Variants in ASB7 observed in about 807,000 individuals in gnomAD.
ASB7 encodes ankyrin repeat and SOCS box protein 7.
A neutral mutation model predicts 32.5 loss-of-function variants in ASB7; 4 were observed. The observed-to-expected ratio is 0.12, with a 90% confidence interval of 0.06 to 0.28. ASB7 has a LOEUF of 0.28. Among genes scored for constraint, ASB7 ranks in the 10% least tolerant of loss-of-function variants. The pLI, the probability that ASB7 is intolerant of heterozygous loss-of-function variation, is 1.00. For synonymous variants in ASB7, 172 were observed against 155.6 expected, an observed-to-expected ratio of 1.11 and a Z score of -0.78; for missense variants, 181 against 407.1, an observed-to-expected ratio of 0.44 and a Z score of 4.78.
chr15:100,611,484 C>CTTGTTTTTTTTTTTTTT (rs2039694564), intron 3 of ASB7, among the ~76,000 whole-genome samples: 1 of 77,144 alleles, frequency 1.3e-5, no homozygotes. Flanking sequence ...TGTTTCGATT[C>CTTGTTTTTTTTTTTTTT]TTTTTTTTTT....
chr15:100,610,775 A>G (rs1358270553), intron 3 of ASB7, among the ~76,000 whole-genome samples: 1 of 152,230 alleles, frequency 6.6e-6, no homozygotes, highest in African/African-American at 2.4e-5. Flanking sequence ...TGTCTAACCT[A>G]CATATGAGAA....
Position 100,633,687 on chromosome 15 carries a change from G to A in ASB7, c.817+3645G>A, listed in dbSNP as rs533992696. Among the ~76,000 whole-genome samples the A allele has an allele frequency of 2.7e-5, 4 of 150,602 alleles. 1 individual carries two copies. In the East Asian group the frequency reaches 7.8e-4, roughly 29 times the overall value. ...AAGGAAGGAGGAAGGAAGGAAGGAG[G>A]GGAAGGAAGGAGGAAGAAAAAAAAG... On this transcript the variant is annotated intron_variant, in intron 5 of 5. Coordinates refer to ENST00000332783, the MANE Select transcript of ASB7 (RefSeq NM_198243.3).
At chr15:100,606,182 T>C (rs1037049802) in intron 2 of ASB7, among the ~76,000 whole-genome samples, 3 of 139,502 alleles carry the variant, frequency 2.2e-5, no homozygotes, top group African/African-American at 7.7e-5. Flanking sequence ...ATGTGAACCA[T>C]TGAAGGATTG....
chr15:100,639,218 A>G (rs2039944945), intron 5 of ASB7, among the ~76,000 whole-genome samples: 1 of 152,234 alleles, frequency 6.6e-6, no homozygotes, highest in Non-Finnish European at 1.5e-5. Flanking sequence ...ATGGTTTTGC[A>G]GAAGACAGTC....
At chr15:100,642,176 CAG>C (rs2039966131) in intron 5 of ASB7, among the ~76,000 whole-genome samples, 6 of 152,218 alleles carry the variant, frequency 3.9e-5, no homozygotes, top group Admixed American at 3.9e-4. Context: ...ATTTAGGCCT[CAG>C]AATGTGCATT....
At chr15:100,640,920 A>G (rs774467062) in intron 5 of ASB7, among the ~76,000 whole-genome samples, 1 of 152,262 alleles carries the variant, frequency 6.6e-6, no homozygotes, top group Non-Finnish European at 1.5e-5. Context: ...TGGAAAGACT[A>G]ATAACCCTTT....
chr15:100,635,892 C>T (rs1021204715), intron 5 of ASB7, among the ~76,000 whole-genome samples: 6 of 152,156 alleles, frequency 3.9e-5, no homozygotes, highest in South Asian at 2.1e-4. Flanking sequence ...CCCCGGGGCT[C>T]GGGCCTTTGT....
At chr15:100,635,105 C>T (rs539800126) in intron 5 of ASB7, among the ~76,000 whole-genome samples, 9 of 152,312 alleles carry the variant, frequency 5.9e-5, no homozygotes, top group Admixed American at 2.0e-4. Flanking sequence ...TTTGCCCCAG[C>T]AGACAAGGTA....
intron 4 of ASB7, among the ~76,000 whole-genome samples, chr15:100,624,693 A>G (rs2039822526): frequency 2.0e-5 from 3 of 152,248 alleles, no homozygotes; most frequent in Non-Finnish European, 4.4e-5. Context: ...TTCTCATTGA[A>G]TTATTTCAGA....
chr15:100,628,786 A>G (rs546774067), intron 4 of ASB7, among the ~76,000 whole-genome samples: 3 of 152,372 alleles, frequency 2.0e-5, no homozygotes, highest in African/African-American at 7.2e-5. Flanking sequence ...GAGGTTATTC[A>G]CATAATGCAT....
At chr15:100,614,579 CT>C (rs1229108855) in intron 4 of ASB7, among the ~76,000 whole-genome samples, 1 of 151,828 alleles carries the variant, frequency 6.6e-6, no homozygotes, top group Non-Finnish European at 1.5e-5. Flanking sequence ...TCCAGTAAAA[CT>C]TTATCAAAAC....
rs747211017 is a variant in ASB7 at position 100,636,612 on chromosome 15, G to T, written c.817+6570G>T. Among the ~76,000 whole-genome samples the T allele has an allele frequency of 1.3e-5, 2 of 152,070 alleles. 1 individual carries two copies. Among genetic ancestry groups the T allele is most frequent in the South Asian group, 4.2e-4 (2 of 4,812 alleles). The stretch of plus-strand genomic sequence containing the variant: ...AGATGTTTAACACTCCCCACACCCC[G>T]CTGGGATCAGCTTCCTTCTCTGAAA... On this transcript the variant is annotated intron_variant, in intron 5 of 5. Transcript: ENST00000332783.
intron 2 of ASB7, among the ~76,000 whole-genome samples, chr15:100,605,995 C>T (rs1329769560): frequency 6.6e-6 from 1 of 152,174 alleles, no homozygotes; most frequent in Non-Finnish European, 1.5e-5. Context: ...TGTTTTGGAT[C>T]ATAACCACTA....
intron 5 of ASB7, among the ~76,000 whole-genome samples, chr15:100,634,990 G>A (rs1183268627): frequency 1.3e-5 from 2 of 152,194 alleles, no homozygotes; most frequent in Admixed American, 1.3e-4. Context: ...TTGCAGAAAA[G>A]AGGCCATACT....
At chr15:100,619,456 T>C (rs985069996) in intron 4 of ASB7, among the ~76,000 whole-genome samples, 3 of 152,192 alleles carry the variant, frequency 2.0e-5, no homozygotes, top group African/African-American at 7.2e-5. Flanking sequence ...GAAGAGTAGC[T>C]GGGATATGAG....
At chr15:100,636,302 G>A (rs937980963) in intron 5 of ASB7, among the ~76,000 whole-genome samples, 1 of 152,166 alleles carries the variant, frequency 6.6e-6, no homozygotes, top group Non-Finnish European at 1.5e-5. Flanking sequence ...TTTTTGTCTT[G>A]TAAGAATGGG....
chr15:100,643,995 C>T (rs1350670929), intron 5 of ASB7, among the ~76,000 whole-genome samples: 2 of 152,100 alleles, frequency 1.3e-5, no homozygotes, highest in Non-Finnish European at 2.9e-5. Context: ...TGCCCTTAAT[C>T]CCAGCACTTT....
In ASB7 at chr15:100,629,585, C is replaced by T. The variant is rs747916749; in HGVS notation, c.360C>T (p.Pro120=). ...INAKSNDGWT[P]LHVAAHYGRD... ...CAAAAAGCAATGACGGCTGGACTCC[C>T]CTCCATGTGGCTGCCCACTACGGCA... The change falls in exon 5 of 6, where the codon CCC becomes CCT. Residue 120 remains proline (P), a synonymous_variant. Transcript: ENST00000332783. The surrounding 1 kb of genome is among the most constrained non-coding windows in gnomAD (Gnocchi z 6.8). The T allele has an allele frequency of 9.3e-6, 15 of 1,614,210 alleles. No homozygotes were observed. Among genetic ancestry groups the T allele is most frequent in the Non-Finnish European group, 1.3e-5 (15 of 1,180,042 alleles).
chr15:100,645,567 C>T lies in ASB7; in HGVS notation c.818-2756C>T, dbSNP rs912034760. The T allele has an allele frequency of 4.3e-6, 3 of 697,778 alleles. No individual in the cohort carries two copies. The Admixed American group carries it at 5.5e-5, about 13-fold the overall frequency. The allele number at this position is 697,778 out of a possible 1,614,324, so 43.2% of individuals were successfully genotyped here. ...AGAGGAGCCTTACAACTTCTTGAAT[C>T]CCACAGCTTGACGGTGTTATATAAG... is the stretch of plus-strand genomic sequence containing the variant. On this transcript the variant is annotated intron_variant, in intron 5 of 5. Coordinates refer to ENST00000332783, the MANE Select transcript of ASB7 (RefSeq NM_198243.3).
Sources: gnomAD v4.1 joint callset for allele counts (sites outside exome capture counted in the v4.1 genomes callset) on GRCh38, gnomAD v4.1.1 for gene constraint, Gnocchi (gnomAD v3.1) non-coding constraint, MANE v1.5 for transcripts, NCBI Gene and HGNC (gene_info 2026-07-23, HGNC 2026-07-21) for gene names.